PHYHIPL: variants seen among roughly 807,000 people sequenced by gnomAD.
The protein encoded by PHYHIPL is phytanoyl-CoA hydroxylase-interacting protein-like.
A neutral mutation model predicts 33.4 loss-of-function variants in PHYHIPL; 9 were observed. The observed-to-expected ratio is 0.27, with a 90% confidence interval of 0.16 to 0.47. The LOEUF (loss-of-function observed/expected upper bound fraction) is 0.47, where lower values mean the gene tolerates loss of function less well. PHYHIPL is among the 20% of genes least tolerant of loss of function. PHYHIPL has a pLI of 0.99. For synonymous variants in PHYHIPL, 153 were observed against 154.1 expected (o/e 0.99, Z 0.05); for missense variants, 365 against 460.7 (o/e 0.79, Z 1.90).
chr10:59,224,299 C>T (rs372971059), intron 1 of PHYHIPL, among the ~76,000 whole-genome samples: 1 of 152,006 alleles, frequency 6.6e-6, no homozygotes, highest in African/African-American at 2.4e-5. Context: ...TGTTAACCTA[C>T]ACCTTTGCTG....
rs1038856706 is a variant in PHYHIPL, at chr10:59,234,457, TCAA to T, written c.264_266del (p.Asn88del). 3 of 1,574,634 alleles carry T rather than the reference TCAA, an allele frequency of 1.9e-6. No homozygotes were observed. Among genetic ancestry groups the T allele is most frequent in the Non-Finnish European group, 2.6e-6 (3 of 1,167,878 alleles). ...CGCATTACACACTATTTTATTGACC[TCAA>T]CAAGAAAGAGAACAAGAACTCCAAT... On this transcript the variant is annotated inframe_deletion, in exon 2 of 5. Coordinates refer to ENST00000373880, the MANE Select transcript of PHYHIPL (RefSeq NM_032439.4).
At chr10:59,199,378 A>G (rs1589267821) in intron 1 of PHYHIPL, among the ~76,000 whole-genome samples, 1 of 152,086 alleles carries the variant, frequency 6.6e-6, no homozygotes, top group African/African-American at 2.4e-5. Flanking sequence ...GATGTGTGGT[A>G]TTATTTCTGA....
chr10:59,242,832 A>G (rs1840450712), intron 4 of PHYHIPL, among the ~76,000 whole-genome samples: 1 of 152,206 alleles, frequency 6.6e-6, no homozygotes, highest in Non-Finnish European at 1.5e-5. Context: ...GTAAACTTGA[A>G]GATAGAATAG....
intron 1 of PHYHIPL, among the ~76,000 whole-genome samples, chr10:59,189,039 C>T (rs753198504): frequency 2.6e-5 from 4 of 151,980 alleles, no homozygotes; most frequent in Non-Finnish European, 4.4e-5. Context: ...GTAGTGTGAA[C>T]TTTGAGAAAT....
intron 3 of PHYHIPL, among the ~76,000 whole-genome samples, chr10:59,237,789 A>G (rs1165978411): frequency 1.3e-5 from 2 of 151,932 alleles, no homozygotes; most frequent in African/African-American, 2.4e-5. Flanking sequence ...AATACTTACC[A>G]TAATAAATCA....
chr10:59,180,522 AT>A (rs1319446940), intron 1 of PHYHIPL, among the ~76,000 whole-genome samples: 1 of 151,436 alleles, frequency 6.6e-6, no homozygotes, highest in Non-Finnish European at 1.5e-5. Flanking sequence ...AACAAATATT[AT>A]TTTCATGAGT....
intron 4 of PHYHIPL, among the ~76,000 whole-genome samples, chr10:59,242,911 A>C (rs1417749718): frequency 2.6e-5 from 4 of 152,174 alleles, no homozygotes; most frequent in Non-Finnish European, 4.4e-5. Flanking sequence ...TGGACATGTG[A>C]GACTATAGCA....
At chr10:59,189,427 T>C (rs1838716779) in intron 1 of PHYHIPL, among the ~76,000 whole-genome samples, 1 of 152,116 alleles carries the variant, frequency 6.6e-6, no homozygotes, top group South Asian at 2.1e-4. Flanking sequence ...ACCACATTTT[T>C]AAGTAGCACC....
At chr10:59,242,337 G>A (rs1028371224) in intron 4 of PHYHIPL, among the ~76,000 whole-genome samples, 9 of 152,034 alleles carry the variant, frequency 5.9e-5, no homozygotes, top group South Asian at 2.1e-4. Flanking sequence ...CTGTGTCACC[G>A]GAGACTGAGT....
intron 1 of PHYHIPL, among the ~76,000 whole-genome samples, chr10:59,227,143 G>C (rs921285161): frequency 5.3e-5 from 8 of 152,138 alleles, no homozygotes; most frequent in Non-Finnish European, 1.2e-4. Context: ...TCTATTTTCT[G>C]TTGGTATAAC....
At position 59,245,606 on chromosome 10, in the gene PHYHIPL, A is replaced by ATTC; in HGVS notation, c.*18_*20dup. The ATTC allele has an allele frequency of 6.4e-7, 1 of 1,564,546 alleles. No individual in the cohort carries two copies. The highest frequency in any genetic ancestry group is 1.4e-5 in the African/African-American group (1 of 73,504). ...TTGGACGTTAATGCCCACTTTTCTT[A>ATTC]TTCTTACTCAGCCCCTTTTCCTCCC... On this transcript the variant is annotated 3_prime_UTR_variant, in exon 5 of 5. Coordinates refer to ENST00000373880, the MANE Select transcript of PHYHIPL (RefSeq NM_032439.4).
At chr10:59,177,908 G>T (rs1249491806) in intron 1 of PHYHIPL, among the ~76,000 whole-genome samples, 1 of 152,180 alleles carries the variant, frequency 6.6e-6, no homozygotes, top group Non-Finnish European at 1.5e-5. Flanking sequence ...TTCACATGTT[G>T]TTAAGAGGGC....
At chr10:59,182,254 T>C (rs1015516367) in intron 1 of PHYHIPL, among the ~76,000 whole-genome samples, 1 of 152,226 alleles carries the variant, frequency 6.6e-6, no homozygotes, top group African/African-American at 2.4e-5. Flanking sequence ...GTTATATTGC[T>C]GTATGTGAAT....
chr10:59,247,357 T>G lies in PHYHIPL; in HGVS notation c.*1766T>G. ...TAGACATTTTTAAAAATACTTGTATTGACTATGAGTTTTCTGCTTGGCATG... is the reference window on the plus strand; with the variant it reads ...TAGACATTTTTAAAAATACTTGTATGGACTATGAGTTTTCTGCTTGGCATG... On this transcript the variant is annotated 3_prime_UTR_variant, in exon 5 of 5. Coordinates refer to ENST00000373880, the MANE Select transcript of PHYHIPL (RefSeq NM_032439.4). The G allele has an allele frequency of 2.3e-6, 1 of 432,522 alleles. No homozygotes were observed. Among genetic ancestry groups the G allele is most frequent in the Non-Finnish European group, 4.1e-6 (1 of 245,180 alleles). 26.8% of individuals were successfully genotyped at this position (432,522 alleles called of 1,614,324 possible). A position where few individuals can be genotyped will look rare whatever the true frequency, so the allele number is the denominator to read the frequency against.
chr10:59,202,508 G>A (rs576519969), intron 1 of PHYHIPL, among the ~76,000 whole-genome samples: 1 of 152,050 alleles, frequency 6.6e-6, no homozygotes, highest in Non-Finnish European at 1.5e-5. Flanking sequence ...AATAACTTTT[G>A]CTGAATGACT....
intron 1 of PHYHIPL, among the ~76,000 whole-genome samples, chr10:59,207,990 C>T (rs183222339): frequency 4.7e-4 from 71 of 152,100 alleles, no homozygotes; most frequent in East Asian, 1.7e-3. Context: ...CGGCTGTCGG[C>T]GCAGCTTTGA....
At chr10:59,200,694 T>G (rs1839075830) in intron 1 of PHYHIPL, among the ~76,000 whole-genome samples, 2 of 152,164 alleles carry the variant, frequency 1.3e-5, no homozygotes, top group Admixed American at 1.3e-4. Flanking sequence ...TCCTGGACTT[T>G]TTTTGGTTGG....
At chr10:59,180,335 TATATATATATATATATATATATATATAC>T in intron 1 of PHYHIPL, among the ~76,000 whole-genome samples, 1 of 75,942 alleles carries the variant, frequency 1.3e-5, no homozygotes, top group East Asian at 9.4e-4. Context: ...TATATATATA[TATATATATATATATATATATATATATAC>T]TTTTTCTTCC....
intron 1 of PHYHIPL, among the ~76,000 whole-genome samples, chr10:59,189,766 G>A (rs547511335): frequency 1.6e-4 from 24 of 152,004 alleles, no homozygotes; most frequent in Non-Finnish European, 3.5e-4. Flanking sequence ...TTGAGTCTAA[G>A]GAGCAACATT....
Sources: gnomAD v4.1 joint callset for allele counts (sites outside exome capture counted in the v4.1 genomes callset) on GRCh38, gnomAD v4.1.1 for gene constraint, MANE v1.5 for transcripts, NCBI Gene and HGNC (gene_info 2026-07-23, HGNC 2026-07-21) for gene names.